The following CHRM3 variants were observed in gnomAD, a reference collection of about 807,000 sequenced individuals.
The protein encoded by CHRM3 is muscarinic acetylcholine receptor M3.
A neutral mutation model predicts 41.8 loss-of-function variants in CHRM3; 11 were observed. That is an observed-to-expected ratio of 0.26 (90% CI 0.17 to 0.44). CHRM3 has a LOEUF of 0.44. Ranked by LOEUF, CHRM3 falls within the 20% of genes least tolerant of loss-of-function variation. The pLI is 1.00. For synonymous variants in CHRM3, 297 were observed against 301.4 expected, an observed-to-expected ratio of 0.99 and a Z score of 0.15; for missense variants, 571 against 745.4, an observed-to-expected ratio of 0.77 and a Z score of 2.72.
intron 5 of CHRM3, among the ~76,000 whole-genome samples, chr1:239,812,329 T>G (rs1671182785): frequency 6.6e-6 from 1 of 152,210 alleles, no homozygotes; most frequent in South Asian, 2.1e-4. Context: ...CATGAATCAC[T>G]GTGGCTGGCC....
rs192343639 is a variant in CHRM3 at position 239,859,518 on chromosome 1, C to T, written c.-20+32140C>T. ...TCTGCTCACTGCAAACTCCGCCTCC[C>T]GGGTTCAAGCCTCAGCCTCCCAGGT... On this transcript the variant is annotated intron_variant, in intron 6 of 6. Coordinates refer to ENST00000676153, the MANE Select transcript of CHRM3 (RefSeq NM_001375978.1). Among the ~76,000 whole-genome samples the T allele has an allele frequency of 4.0e-3, 606 of 150,930 alleles. 4 individuals carry two copies. Among genetic ancestry groups the T allele is most frequent in the African/African-American group, 0.014 (581 of 41,194 alleles).
chr1:239,909,083 T>C lies in CHRM3; in HGVS notation c.1632T>C (p.Tyr544=), dbSNP rs751087070. Residue 544 remains tyrosine (Y), a synonymous_variant, in exon 7 of 7, where the codon TAT becomes TAC. Transcript: ENST00000676153. ...ACAGCACCGTGAACCCCGTGTGCTA[T>C]GCTCTGTGCAACAAAACATTCAGAA... ...YINSTVNPVC[Y]ALCNKTFRTT... is the part of the protein sequence containing the mutation. 4.3e-6 allele frequency: 7 copies of C among 1,614,140 alleles called. No individual in the cohort carries two copies. In the South Asian group the frequency reaches 4.4e-5, roughly 10 times the overall value.
At chr1:239,737,723 G>A (rs922981928) in intron 5 of CHRM3, among the ~76,000 whole-genome samples, 7 of 152,124 alleles carry the variant, frequency 4.6e-5, no homozygotes, top group African/African-American at 1.7e-4. Flanking sequence ...TGCTCTCTGT[G>A]TTGTTTTTAT....
At chr1:239,744,641 G>T (rs1665187784) in intron 5 of CHRM3, among the ~76,000 whole-genome samples, 1 of 152,200 alleles carries the variant, frequency 6.6e-6, no homozygotes, top group African/African-American at 2.4e-5. Context: ...CGAGAGGACA[G>T]GTTGGGAGGG....
chr1:239,487,089 C>T (rs1213052426), intron 1 of CHRM3, among the ~76,000 whole-genome samples: 1 of 152,038 alleles, frequency 6.6e-6, no homozygotes, highest in Non-Finnish European at 1.5e-5. Context: ...ATTCTTTCTT[C>T]CACTTGCATA....
intron 5 of CHRM3, among the ~76,000 whole-genome samples, chr1:239,792,457 A>G (rs2148869824): frequency 6.6e-6 from 1 of 152,310 alleles, no homozygotes; most frequent in Admixed American, 6.5e-5. Context: ...GGGTTGACAG[A>G]GAAAAAAAGT....
intron 6 of CHRM3, among the ~76,000 whole-genome samples, chr1:239,868,071 C>G (rs1012539863): frequency 6.6e-6 from 1 of 152,198 alleles, no homozygotes; most frequent in Non-Finnish European, 1.5e-5. Context: ...GCACCAAACA[C>G]TTAATTATTG....
At chr1:239,725,375 A>T (rs993900137) in intron 5 of CHRM3, among the ~76,000 whole-genome samples, 21 of 151,940 alleles carry the variant, frequency 1.4e-4, no homozygotes, top group Admixed American at 5.9e-4. Context: ...ATACAAATTA[A>T]AATTGAATAT....
intron 4 of CHRM3, among the ~76,000 whole-genome samples, chr1:239,673,406 A>G (rs1469844071): frequency 3.9e-5 from 6 of 152,184 alleles, no homozygotes; most frequent in Non-Finnish European, 8.8e-5. Flanking sequence ...GATTTTCATC[A>G]TACTCTCTAA....
intron 5 of CHRM3, among the ~76,000 whole-genome samples, chr1:239,819,243 A>G (rs1671839979): frequency 6.6e-6 from 1 of 152,178 alleles, no homozygotes; most frequent in Non-Finnish European, 1.5e-5. Flanking sequence ...GCTAGTAGGC[A>G]CAGACCCCAC....
intron 3 of CHRM3, among the ~76,000 whole-genome samples, chr1:239,627,350 G>T (rs1669085380): frequency 8.0e-6 from 1 of 125,100 alleles, no homozygotes; most frequent in African/African-American, 3.1e-5. Flanking sequence ...TTTTCCATTT[G>T]CTTGGTAGAT....
intron 1 of CHRM3, among the ~76,000 whole-genome samples, chr1:239,470,406 G>C (rs1210675646): frequency 1.3e-5 from 2 of 152,146 alleles, no homozygotes; most frequent in Non-Finnish European, 2.9e-5. Context: ...CCAGTTTGTG[G>C]TAATTTGCTA....
chr1:239,899,171 C>A (rs1177808252), intron 6 of CHRM3, among the ~76,000 whole-genome samples: 1 of 151,870 alleles, frequency 6.6e-6, no homozygotes, highest in African/African-American at 2.4e-5. Flanking sequence ...TATTGATTGT[C>A]ATTATGTGGT....
intron 5 of CHRM3, among the ~76,000 whole-genome samples, chr1:239,777,743 T>C (rs1311154457): frequency 6.6e-6 from 1 of 152,138 alleles, no homozygotes; most frequent in Non-Finnish European, 1.5e-5. Flanking sequence ...AGCGAAGAAA[T>C]GAACATTCAT....
intron 5 of CHRM3, among the ~76,000 whole-genome samples, chr1:239,726,746 C>T (rs987462898): frequency 4.6e-5 from 7 of 151,872 alleles, no homozygotes; most frequent in African/African-American, 1.7e-4. Flanking sequence ...TTAGACATGA[C>T]AATAAATGTC....
chr1:239,883,155 T>C (rs1677786969), intron 6 of CHRM3, among the ~76,000 whole-genome samples: 1 of 152,236 alleles, frequency 6.6e-6, no homozygotes, highest in Non-Finnish European at 1.5e-5. Context: ...TAAATGACCC[T>C]GACCCTTGAC....
At chr1:239,746,006 T>C (rs999719184) in intron 5 of CHRM3, among the ~76,000 whole-genome samples, 2 of 152,154 alleles carry the variant, frequency 1.3e-5, no homozygotes, top group African/African-American at 4.8e-5. Context: ...TTTCATTTAA[T>C]TCGTAAAGGA....
Position 239,442,378 on chromosome 1 carries a change from A to G in CHRM3, c.-520-50331A>G, listed in dbSNP as rs368292141. 6.6e-5 allele frequency among the ~76,000 whole-genome samples: 10 copies of G among 152,196 alleles called. No individual in the cohort carries two copies. In the East Asian group the frequency reaches 9.7e-4, roughly 15 times the overall value. On this transcript the variant is annotated intron_variant, in intron 1 of 6. Transcript: ENST00000676153. ...CGTCTCAGCCTCCCAAAATGTTAGGATTACAGGCGTGAGCCGCTGCACCCG... is the reference window on the plus strand; with the variant it reads ...CGTCTCAGCCTCCCAAAATGTTAGGGTTACAGGCGTGAGCCGCTGCACCCG...
intron 1 of CHRM3, among the ~76,000 whole-genome samples, chr1:239,443,793 C>T (rs1367747712): frequency 6.6e-6 from 1 of 152,112 alleles, no homozygotes; most frequent in African/African-American, 2.4e-5. Context: ...TATTTTAACT[C>T]CTTGAAGGGT....
Sources: gnomAD v4.1 joint callset for allele counts (sites outside exome capture counted in the v4.1 genomes callset) on GRCh38, gnomAD v4.1.1 for gene constraint, MANE v1.5 for transcripts, NCBI Gene and HGNC (gene_info 2026-07-23, HGNC 2026-07-21) for gene names.